GRM7: variants seen among roughly 807,000 people sequenced by gnomAD.
GRM7 encodes metabotropic glutamate receptor 7.
Under a neutral mutation model 84.5 loss-of-function variants are expected in GRM7, and 35 were observed. The ratio of observed to expected loss-of-function variants is 0.41; its 90% confidence interval spans 0.32 to 0.55. GRM7 has a LOEUF of 0.55. GRM7 is among the 20% of genes least tolerant of loss of function. The pLI, the probability that GRM7 is intolerant of heterozygous loss-of-function variation, is 0.19. For missense variants in GRM7, 1,003 were observed against 1,194.6 expected, an observed-to-expected ratio of 0.84 and a Z score of 2.36; for synonymous variants, 487 against 455.1, an observed-to-expected ratio of 1.07 and a Z score of -0.89.
At chr3:6,963,764 T>C (rs1693393653) in intron 1 of GRM7, among the ~76,000 whole-genome samples, 1 of 152,210 alleles carries the variant, frequency 6.6e-6, no homozygotes, top group Admixed American at 6.5e-5. Flanking sequence ...AATAGTGGTG[T>C]GACTTACATG....
chr3:7,483,885 A>G (rs115143228), intron 7 of GRM7, among the ~76,000 whole-genome samples: 2 of 152,246 alleles, frequency 1.3e-5, no homozygotes, highest in South Asian at 4.1e-4. Context: ...AAAATTGTCA[A>G]CTAAAGAGAA....
chr3:7,528,071 T>C (rs1700877653), intron 7 of GRM7, among the ~76,000 whole-genome samples: 1 of 152,028 alleles, frequency 6.6e-6, no homozygotes, highest in Non-Finnish European at 1.5e-5. Context: ...CTCCTTAATT[T>C]TGTGGTATAG....
chr3:7,275,454 T>G (rs2124984832), intron 2 of GRM7, among the ~76,000 whole-genome samples: 1 of 152,214 alleles, frequency 6.6e-6, no homozygotes, highest in Non-Finnish European at 1.5e-5. Context: ...TTTATAATCC[T>G]ATGATTATGT....
intron 7 of GRM7, among the ~76,000 whole-genome samples, chr3:7,482,152 C>G (rs2124938612): frequency 6.6e-6 from 1 of 152,314 alleles, no homozygotes; most frequent in South Asian, 2.1e-4. Context: ...GGCACCACTG[C>G]ACTCCAGCCT....
intron 8 of GRM7, among the ~76,000 whole-genome samples, chr3:7,670,751 G>A (rs1353235965): frequency 1.3e-5 from 2 of 150,374 alleles, no homozygotes; most frequent in African/African-American, 4.9e-5. Context: ...GACTTGTAAA[G>A]TAACACAGAA....
chr3:7,500,563 A>G (rs719612), intron 7 of GRM7, among the ~76,000 whole-genome samples: 18,397 of 152,262 alleles, frequency 0.12, 1,194 homozygotes, highest in African/African-American at 0.12. Flanking sequence ...CCTGGAGGGA[A>G]CTTCATGTGA....
intron 7 of GRM7, among the ~76,000 whole-genome samples, chr3:7,467,140 T>G (rs965687166): frequency 4.6e-5 from 7 of 152,094 alleles, no homozygotes; most frequent in African/African-American, 1.7e-4. Flanking sequence ...CGGGCTGGAG[T>G]GCAGTGGCGC....
At chr3:7,165,346 G>T (rs929060436) in intron 2 of GRM7, among the ~76,000 whole-genome samples, 1 of 152,162 alleles carries the variant, frequency 6.6e-6, no homozygotes, top group African/African-American at 2.4e-5. Context: ...GGCTGTGTAT[G>T]ATACAGGGAG....
intron 9 of GRM7, among the ~76,000 whole-genome samples, chr3:7,734,626 C>A (rs1349299293): frequency 6.6e-6 from 1 of 152,130 alleles, no homozygotes; most frequent in Non-Finnish European, 1.5e-5. Flanking sequence ...TGTTTTTACC[C>A]CTGCCAAGTT....
chr3:7,330,313 C>G (rs943816125), intron 4 of GRM7, among the ~76,000 whole-genome samples: 14 of 152,144 alleles, frequency 9.2e-5, no homozygotes, highest in African/African-American at 2.9e-4. Flanking sequence ...CCTCCAGTGA[C>G]TTTCTGTCCC....
At chr3:7,726,528 G>A (rs372469477) in intron 9 of GRM7, among the ~76,000 whole-genome samples, 2 of 144,594 alleles carry the variant, frequency 1.4e-5, no homozygotes, top group African/African-American at 2.6e-5. Flanking sequence ...TAAAACTTAC[G>A]AATACATTGA....
At chr3:7,140,245 G>C (rs1693904462) in intron 1 of GRM7, among the ~76,000 whole-genome samples, 1 of 152,002 alleles carries the variant, frequency 6.6e-6, no homozygotes, top group African/African-American at 2.4e-5. Flanking sequence ...AGAGTGAGAA[G>C]TTATAAGACT....
At chr3:7,570,459 GC>G (rs1694593349) in intron 7 of GRM7, among the ~76,000 whole-genome samples, 1 of 152,178 alleles carries the variant, frequency 6.6e-6, no homozygotes, top group Non-Finnish European at 1.5e-5. Flanking sequence ...AGGGCCTCAT[GC>G]AAGTCCAAAA....
rs1014239962 is a variant in GRM7, at chr3:7,740,995, T to G, written c.*589T>G. 1 of 149,170 alleles carries G rather than the reference T, an allele frequency of 6.7e-6. No individual in the cohort carries two copies. 9.2% of individuals were successfully genotyped at this position (149,170 alleles called of 1,614,324 possible). ...TGTATAATTACGATTATAGTACCACTGCACATCATGTTTTTTTTTTTAAGA... is the reference window on the plus strand; with the variant it reads ...TGTATAATTACGATTATAGTACCACGGCACATCATGTTTTTTTTTTTAAGA... On this transcript the variant is annotated 3_prime_UTR_variant, in exon 10 of 10. Coordinates refer to ENST00000357716, the MANE Select transcript of GRM7 (RefSeq NM_000844.4).
intron 2 of GRM7, among the ~76,000 whole-genome samples, chr3:7,214,126 A>C (rs940043178): frequency 6.6e-6 from 1 of 152,060 alleles, no homozygotes; most frequent in Non-Finnish European, 1.5e-5. Flanking sequence ...AAAAAAAAAA[A>C]AAAGACAACA....
At chr3:6,922,346 C>T (rs1181047038) in intron 1 of GRM7, among the ~76,000 whole-genome samples, 1 of 152,136 alleles carries the variant, frequency 6.6e-6, no homozygotes, top group South Asian at 2.1e-4. Flanking sequence ...TAAGTGAAGT[C>T]TTCTAGCTTT....
At chr3:7,656,087 A>T (rs957713604) in intron 8 of GRM7, among the ~76,000 whole-genome samples, 1 of 152,174 alleles carries the variant, frequency 6.6e-6, no homozygotes, top group Admixed American at 6.5e-5. Context: ...CAACTTGAAG[A>T]GAGATCTTTT....
At chr3:6,966,176 A>T (rs1342360154) in intron 1 of GRM7, among the ~76,000 whole-genome samples, 1 of 152,050 alleles carries the variant, frequency 6.6e-6, no homozygotes, top group South Asian at 2.1e-4. Context: ...GATTCATGGA[A>T]TTTTTTTTAT....
intron 8 of GRM7, among the ~76,000 whole-genome samples, chr3:7,582,761 G>A (rs1695322538): frequency 6.6e-6 from 1 of 152,094 alleles, no homozygotes; most frequent in African/African-American, 2.4e-5. Flanking sequence ...AGCCAGTTCA[G>A]GATTCTTACC....
Sources: allele counts gnomAD v4.1 joint callset (sites outside exome capture counted in the v4.1 genomes callset), GRCh38; gene constraint gnomAD v4.1.1; transcripts MANE v1.5; gene names NCBI Gene and HGNC (gene_info 2026-07-23, HGNC 2026-07-21).